The following MAGI2 variants were observed in gnomAD, a reference collection of about 807,000 sequenced individuals.
MAGI2 encodes the protein membrane associated guanylate kinase, WW and PDZ domain containing 2.
In MAGI2, 35 loss-of-function variants were observed where a neutral mutation model predicts 133.3. The observed-to-expected ratio is 0.26, with a 90% CI of 0.20 to 0.35. The LOEUF (loss-of-function observed/expected upper bound fraction) is 0.35, where lower values mean the gene tolerates loss of function less well. Among genes scored for constraint, MAGI2 ranks in the 10% least tolerant of loss-of-function variants. The pLI, the probability that MAGI2 is intolerant of heterozygous loss-of-function variation, is 1.00. For synonymous variants in MAGI2, 729 were observed against 710.6 expected (o/e 1.03, Z -0.41); for missense variants, 1,636 against 1,863.4 (o/e 0.88, Z 2.25).
At chr7:79,281,071 C>A (rs1001490712) in intron 1 of MAGI2, among the ~76,000 whole-genome samples, 1 of 149,842 alleles carries the variant, frequency 6.7e-6, no homozygotes, top group African/African-American at 2.5e-5. Context: ...GAGTCATCCA[C>A]ATAAACATGA....
intron 21 of MAGI2, among the ~76,000 whole-genome samples, chr7:78,065,300 C>A (rs1341245291): frequency 1.3e-5 from 2 of 152,108 alleles, no homozygotes; most frequent in East Asian, 1.9e-4. Context: ...TGGGGTGGAA[C>A]GCGGCCAGTG....
chr7:78,526,965 G>A (rs527570656), intron 3 of MAGI2, among the ~76,000 whole-genome samples: 8 of 114,540 alleles, frequency 7.0e-5, no homozygotes, highest in African/African-American at 1.0e-4. Flanking sequence ...CCGAGATCAC[G>A]CCACTGCACT....
Position 78,355,936 on chromosome 7 carries a change from TG to T in MAGI2, c.1104-9894del, listed in dbSNP as rs372990914. ...CGTGTTTTACCAGAAAATGTGTGTG[TG>T]TATGCGTTTTACATATTGGAGAAAG... On this transcript the variant is annotated intron_variant, in intron 7 of 21. Coordinates refer to ENST00000354212, the MANE Select transcript of MAGI2 (RefSeq NM_012301.4). 6.3e-3 allele frequency among the ~76,000 whole-genome samples: 956 copies of T among 152,306 alleles called. 8 individuals are homozygous for T. The highest frequency in any genetic ancestry group is 0.022 in the African/African-American group (899 of 41,562).
chr7:78,290,562 G>A (rs1796599709), intron 9 of MAGI2, among the ~76,000 whole-genome samples: 1 of 152,092 alleles, frequency 6.6e-6, no homozygotes, highest in Non-Finnish European at 1.5e-5. Flanking sequence ...AGGATATCCA[G>A]GACTTGAACT....
chr7:78,061,728 G>C lies in MAGI2; in HGVS notation c.3706+17219C>G, dbSNP rs186014508. Among the ~76,000 whole-genome samples the C allele has an allele frequency of 5.0e-4, 76 of 152,262 alleles. 1 individual carries two copies. In the East Asian group the frequency reaches 0.011, roughly 23 times the overall value. On this transcript the variant is annotated intron_variant, in intron 21 of 21. Coordinates refer to ENST00000354212, the MANE Select transcript of MAGI2 (RefSeq NM_012301.4). ...GAACCATGAGAGCAAGAGAGATCCT[G>C]AAGGAAAGGGTGGGGAGGGCTGTTA...
At position 78,720,725 on chromosome 7, in the gene MAGI2, T is replaced by C. The variant is rs7341425; in HGVS notation, c.419-93486A>G. Among the ~76,000 whole-genome samples, 1,474 of 152,198 alleles carry C rather than the reference T, an allele frequency of 9.7e-3. 27 individuals are homozygous for C. The highest frequency in any genetic ancestry group is 0.034 in the African/African-American group (1,404 of 41,556). On this transcript the variant is annotated intron_variant, in intron 2 of 21. Coordinates refer to ENST00000354212, the MANE Select transcript of MAGI2 (RefSeq NM_012301.4). ...TACATGCCATTTTATTCAAAGTCCATGGAGATTAATTTCTCAAAGGATAAG... is the reference window on the plus strand; with the variant it reads ...TACATGCCATTTTATTCAAAGTCCACGGAGATTAATTTCTCAAAGGATAAG...
At chr7:78,787,170 T>A (rs576450397) in intron 2 of MAGI2, among the ~76,000 whole-genome samples, 5 of 152,098 alleles carry the variant, frequency 3.3e-5, no homozygotes, top group South Asian at 4.1e-4. Flanking sequence ...CTGGTCTCGA[T>A]CTCCTGACCT....
At chr7:78,855,039 T>G (rs1394309901) in intron 2 of MAGI2, among the ~76,000 whole-genome samples, 1 of 151,518 alleles carries the variant, frequency 6.6e-6, no homozygotes, top group Non-Finnish European at 1.5e-5. Context: ...TTTTTTTTTG[T>G]AGAGATGCGG....
chr7:79,113,370 T>C (rs1261187609), intron 1 of MAGI2, among the ~76,000 whole-genome samples: 1 of 152,214 alleles, frequency 6.6e-6, no homozygotes, highest in Non-Finnish European at 1.5e-5. Flanking sequence ...TTATTCATCA[T>C]TTATTTGGTG....
chr7:78,894,349 C>G (rs186576769), intron 2 of MAGI2, among the ~76,000 whole-genome samples: 30 of 152,082 alleles, frequency 2.0e-4, no homozygotes, highest in African/African-American at 7.0e-4. Context: ...TTGCAGTGAG[C>G]GGAGATCGCA....
chr7:78,410,138 T>C (rs1797741334), intron 6 of MAGI2, among the ~76,000 whole-genome samples: 1 of 151,992 alleles, frequency 6.6e-6, no homozygotes, highest in African/African-American at 2.4e-5. Context: ...TCTCACATCA[T>C]GTTGCTTCCA....
At chr7:79,172,367 A>G (rs1255697442) in intron 1 of MAGI2, among the ~76,000 whole-genome samples, 7 of 152,076 alleles carry the variant, frequency 4.6e-5, no homozygotes, top group Non-Finnish European at 8.8e-5. Context: ...AATCAAGGAG[A>G]AACACAGTAA....
chr7:78,122,641 G>C (rs531710539), intron 20 of MAGI2, among the ~76,000 whole-genome samples: 1 of 152,046 alleles, frequency 6.6e-6, no homozygotes, highest in Non-Finnish European at 1.5e-5. Context: ...ATGGAAATGC[G>C]AACTATATTA....
intron 10 of MAGI2, among the ~76,000 whole-genome samples, chr7:78,243,993 A>G (rs570356630): frequency 6.6e-6 from 1 of 151,678 alleles, no homozygotes; most frequent in South Asian, 2.1e-4. Flanking sequence ...ATTAAAATAG[A>G]AAAACTACCA....
At chr7:78,338,248 G>C (rs546466589) in intron 9 of MAGI2, among the ~76,000 whole-genome samples, 1 of 152,096 alleles carries the variant, frequency 6.6e-6, no homozygotes, top group Non-Finnish European at 1.5e-5. Flanking sequence ...TAATGTACAC[G>C]GTGGCGGCGT....
chr7:78,688,656 G>A (rs1816636789), intron 2 of MAGI2, among the ~76,000 whole-genome samples: 1 of 152,176 alleles, frequency 6.6e-6, no homozygotes, highest in Non-Finnish European at 1.5e-5. Context: ...TTTTATCAGT[G>A]CGAGGTGGAA....
chr7:79,426,523 T>C (rs1847380464), intron 1 of MAGI2, among the ~76,000 whole-genome samples: 1 of 152,214 alleles, frequency 6.6e-6, no homozygotes, highest in African/African-American at 2.4e-5. Context: ...TTCTGACTTA[T>C]CTTCTCTCCT....
intron 1 of MAGI2, chr7:79,351,779 C>T (rs1351295879): frequency 6.6e-6 from 1 of 152,126 alleles, no homozygotes; most frequent in Non-Finnish European, 1.5e-5. Context: ...TAAGCCAAAG[C>T]ATTTATCAAT....
intron 3 of MAGI2, chr7:78,618,720 A>G (rs912078476): frequency 2.0e-5 from 3 of 151,886 alleles, no homozygotes; most frequent in African/African-American, 7.2e-5. Flanking sequence ...ATTTGCAACA[A>G]CATGGATGGA....
Sources: gnomAD v4.1 joint callset for allele counts (sites outside exome capture counted in the v4.1 genomes callset) on GRCh38, gnomAD v4.1.1 for gene constraint, MANE v1.5 for transcripts, NCBI Gene and HGNC (gene_info 2026-07-23, HGNC 2026-07-21) for gene names.